Variants in OSBPL8 observed in about 807,000 individuals in gnomAD.
The protein encoded by OSBPL8 is oxysterol-binding protein-related protein 8.
OSBPL8 carries 59 observed loss-of-function variants against 125.5 expected under a neutral mutation model. The observed-to-expected ratio is 0.47, with a 90% CI of 0.38 to 0.58. OSBPL8 has a LOEUF of 0.58. Among genes scored for constraint, OSBPL8 ranks in the 20% least tolerant of loss-of-function variants. The probability of loss-of-function intolerance (pLI) is 0.00; values close to 1 mark genes in which losing one functional copy is unlikely to be tolerated. For missense variants in OSBPL8, 758 were observed against 1,047.8 expected, an observed-to-expected ratio of 0.72 and a Z score of 3.82; for synonymous variants, 330 against 338.9, an observed-to-expected ratio of 0.97 and a Z score of 0.29.
chr12:76,462,761 T>C (rs1189207238), intron 2 of OSBPL8, among the ~76,000 whole-genome samples: 2 of 151,580 alleles, frequency 1.3e-5, no homozygotes, highest in Admixed American at 1.3e-4. Flanking sequence ...CAATACAGAG[T>C]TGACTGAATA....
intron 2 of OSBPL8, among the ~76,000 whole-genome samples, chr12:76,463,288 C>T (rs1015576895): frequency 6.6e-6 from 1 of 151,986 alleles, no homozygotes; most frequent in Admixed American, 6.6e-5. Context: ...AAGGCAGGAA[C>T]AAAATGATGT....
chr12:76,520,575 G>A (rs1881977327), intron 1 of OSBPL8, among the ~76,000 whole-genome samples: 1 of 152,128 alleles, frequency 6.6e-6, no homozygotes, highest in Non-Finnish European at 1.5e-5. Context: ...AAGGTTAACT[G>A]GCAGTTAGCC....
chr12:76,360,937 G>A lies in OSBPL8; in HGVS notation c.2329-2126C>T, dbSNP rs533261280. ...TTTCCTCCTAGGCTTCCAGGTTGGT[G>A]AAGGGTGGGGCTGCCATGAAGACCT... On this transcript the variant is annotated intron_variant, in intron 21 of 23. Transcript: ENST00000261183. 5.9e-5 allele frequency among the ~76,000 whole-genome samples: 9 copies of A among 152,342 alleles called. No homozygotes were observed. In the South Asian group the frequency reaches 1.9e-3, roughly 32 times the overall value.
chr12:76,354,555 T>A lies in OSBPL8; in HGVS notation c.*1334A>T, dbSNP rs1951919698. On this transcript the variant is annotated 3_prime_UTR_variant, in exon 24 of 24. Coordinates refer to ENST00000261183, the MANE Select transcript of OSBPL8 (RefSeq NM_020841.5). ...TTTTCATTAAAAAAACATTTCAAAATCTATGCTTTCAGGATTCTAAGACAT... is the reference window on the plus strand; with the variant it reads ...TTTTCATTAAAAAAACATTTCAAAAACTATGCTTTCAGGATTCTAAGACAT... The A allele has an allele frequency of 6.6e-6, 1 of 151,954 alleles. No individual in the cohort carries two copies. The highest frequency in any genetic ancestry group is 2.1e-4 in the South Asian group (1 of 4,830). 9.4% of individuals were successfully genotyped at this position (151,954 alleles called of 1,614,324 possible).
chr12:76,517,423 C>CTTA (rs772066638), intron 1 of OSBPL8, among the ~76,000 whole-genome samples: 4 of 151,898 alleles, frequency 2.6e-5, no homozygotes, highest in Non-Finnish European at 5.9e-5. Flanking sequence ...CCATCTATGA[C>CTTA]TAATATTAAA....
intron 9 of OSBPL8, 114 bp downstream of exon 9, chr12:76,394,531 C>T (rs888099063): frequency 1.4e-6 from 1 of 724,092 alleles, no homozygotes; most frequent in Non-Finnish European, 2.3e-6. Flanking sequence ...GATTACCATG[C>T]TTCTGCTGCA....
In OSBPL8 at chr12:76,358,798, T is replaced by C. The variant is rs777051946; in HGVS notation, c.2342A>G (p.Lys781Arg). The C allele has an allele frequency of 1.9e-6, 3 of 1,613,996 alleles. No individual in the cohort carries two copies. Among genetic ancestry groups the C allele is most frequent in the Non-Finnish European group, 2.5e-6 (3 of 1,179,862 alleles). Reference sequence around the variant, plus strand: ...TTGCCTGGTTGGCTTATGTTTCATTTTGGGGACGCTAACCTAAAGAAAAAA... The same window carrying C: ...TTGCCTGGTTGGCTTATGTTTCATTCTGGGGACGCTAACCTAAAGAAAAAA... ...KHRTPMVSVP[K>R]MKHKPTRQQK... The change falls in exon 22 of 24, where the codon AAA becomes AGA. Residue 781 changes from lysine (K) to arginine (R), a missense_variant. Transcript: ENST00000261183.
intron 4 of OSBPL8, chr12:76,422,818 G>A: frequency 3.9e-6 from 1 of 254,592 alleles, no homozygotes. Context: ...TGTCAAATCA[G>A]CAATAAACAG....
At chr12:76,448,830 C>T (rs1444762542) in intron 4 of OSBPL8, among the ~76,000 whole-genome samples, 4 of 152,068 alleles carry the variant, frequency 2.6e-5, no homozygotes, top group East Asian at 1.9e-4. Flanking sequence ...CTGGCCAACA[C>T]GGTGAAATCC....
chr12:76,472,633 C>G (rs1195755153), intron 2 of OSBPL8, among the ~76,000 whole-genome samples: 1 of 152,226 alleles, frequency 6.6e-6, no homozygotes, highest in African/African-American at 2.4e-5. Flanking sequence ...GTCCACTGGA[C>G]AGGGGGCCCT....
chr12:76,484,984 G>A (rs1312088628), intron 2 of OSBPL8, among the ~76,000 whole-genome samples: 2 of 151,930 alleles, frequency 1.3e-5, no homozygotes, highest in Admixed American at 6.6e-5. Flanking sequence ...GCAGTGGCGC[G>A]ATCTCAGCTC....
At chr12:76,391,603 A>AAGCC (rs1953560561) in intron 10 of OSBPL8, among the ~76,000 whole-genome samples, 1 of 152,258 alleles carries the variant, frequency 6.6e-6, no homozygotes, top group African/African-American at 2.4e-5. Flanking sequence ...ATAAATAGAT[A>AAGCC]AGCCAGCCAG....
At chr12:76,428,357 A>G (rs967115326) in intron 4 of OSBPL8, among the ~76,000 whole-genome samples, 1 of 152,066 alleles carries the variant, frequency 6.6e-6, no homozygotes. Context: ...TAGAATTTTA[A>G]TGAGTTGTCT....
intron 2 of OSBPL8, among the ~76,000 whole-genome samples, chr12:76,474,653 T>C (rs557732128): frequency 3.4e-4 from 51 of 152,206 alleles, no homozygotes; most frequent in African/African-American, 1.1e-3. Flanking sequence ...GGCTAATGTT[T>C]TTTATTATTT....
intron 18 of OSBPL8, 142 bp downstream of exon 18, chr12:76,373,202 A>G (rs1331372736): frequency 5.6e-6 from 3 of 531,848 alleles, no homozygotes; most frequent in Non-Finnish European, 9.7e-6. Context: ...ACAGAACACC[A>G]CCAAAATATC....
intron 1 of OSBPL8, among the ~76,000 whole-genome samples, chr12:76,532,168 GA>G (rs531222125): frequency 1.3e-5 from 2 of 148,358 alleles, no homozygotes; most frequent in Admixed American, 6.7e-5. Context: ...TCTAAGAAGA[GA>G]AAAAAAAACT....
intron 6 of OSBPL8, among the ~76,000 whole-genome samples, chr12:76,400,974 A>C (rs1170861044): frequency 6.6e-6 from 1 of 151,798 alleles, no homozygotes; most frequent in Non-Finnish European, 1.5e-5. Flanking sequence ...TTTTTTGTAG[A>C]GATGGGGTTT....
intron 3 of OSBPL8, among the ~76,000 whole-genome samples, chr12:76,453,276 A>G (rs1873633972): frequency 2.0e-5 from 3 of 152,114 alleles, no homozygotes; most frequent in Admixed American, 2.0e-4. Flanking sequence ...TGAGTCAATA[A>G]ACCAACTTTA....
At chr12:76,462,094 T>C (rs1285601726) in intron 2 of OSBPL8, among the ~76,000 whole-genome samples, 2 of 152,216 alleles carry the variant, frequency 1.3e-5, no homozygotes, top group Non-Finnish European at 2.9e-5. Context: ...GTGGTTCTAA[T>C]TGTGTGTATA....
Sources: allele counts gnomAD v4.1 joint callset (sites outside exome capture counted in the v4.1 genomes callset), GRCh38; gene constraint gnomAD v4.1.1; transcripts MANE v1.5; gene names NCBI Gene and HGNC (gene_info 2026-07-23, HGNC 2026-07-21).